The following IPO7 variants were observed in gnomAD, a reference collection of about 807,000 sequenced individuals.
IPO7 encodes the protein importin 7.
IPO7 carries 13 observed loss-of-function variants against 136.4 expected under a neutral mutation model. That is an observed-to-expected ratio of 0.10 (90% CI 0.06 to 0.15). The LOEUF (loss-of-function observed/expected upper bound fraction) is 0.15. IPO7 is among the 10% of genes least tolerant of loss of function. The pLI, the probability that IPO7 is intolerant of heterozygous loss-of-function variation, is 1.00. For missense variants in IPO7, 857 were observed against 1,240.6 expected, an observed-to-expected ratio of 0.69 and a Z score of 4.65; for synonymous variants, 403 against 404.4, an observed-to-expected ratio of 1.00 and a Z score of 0.04.
rs565216845 is a variant in IPO7 at position 9,387,284 on chromosome 11, A to G, written c.84+2437A>G. Among the ~76,000 whole-genome samples the G allele has an allele frequency of 5.9e-5, 9 of 152,330 alleles. No homozygotes were observed. In the South Asian group the frequency reaches 1.9e-3, roughly 32 times the overall value. On this transcript the variant is annotated intron_variant, in intron 1 of 24. Coordinates refer to ENST00000379719, the MANE Select transcript of IPO7 (RefSeq NM_006391.3). ...TCACTGACTCAATGTAAAATTTGTA[A>G]ATGTTATTAAAGTGTTTATAGTATA...
rs1300804668 is a variant in IPO7, at chr11:9,436,256, TTC to T, written c.2173-13_2173-12del. The T allele has an allele frequency of 2.5e-6, 4 of 1,584,112 alleles. No homozygotes were observed. In the African/African-American group the frequency reaches 4.0e-5, roughly 16 times the overall value. ...GGATAAAGCCTTACTGCAATTTATA[TTC>T]TGTTTTGATCAGGTTCTTACAGGAG... On this transcript the variant is annotated splice_polypyrimidine_tract_variant and intron_variant, in intron 19 of 24. Transcript: ENST00000379719.
intron 1 of IPO7, among the ~76,000 whole-genome samples, chr11:9,391,430 G>A (rs894205399): frequency 4.7e-5 from 7 of 149,858 alleles, no homozygotes; most frequent in African/African-American, 1.7e-4. Context: ...AGTTCTGGCC[G>A]GGCATGGTGG....
At chr11:9,405,466 C>A (rs984194423) in intron 2 of IPO7, among the ~76,000 whole-genome samples, 4 of 151,466 alleles carry the variant, frequency 2.6e-5, no homozygotes, top group African/African-American at 7.3e-5. Context: ...TGAGCCACCG[C>A]CCCCGGCCCT....
chr11:9,435,928 A>G (rs1224729544), intron 19 of IPO7, among the ~76,000 whole-genome samples: 1 of 152,110 alleles, frequency 6.6e-6, no homozygotes, highest in Non-Finnish European at 1.5e-5. Context: ...TCTTTACGTG[A>G]GAAAGGTTAG....
At chr11:9,399,937 C>G (rs1291397465) in intron 1 of IPO7, among the ~76,000 whole-genome samples, 1 of 152,130 alleles carries the variant, frequency 6.6e-6, no homozygotes, top group African/African-American at 2.4e-5. Context: ...AATACTGTTA[C>G]TTCTTCCATT....
chr11:9,428,809 A>C, intron 13 of IPO7, 180 bp downstream of exon 13: 1 of 782,436 alleles, frequency 1.3e-6, no homozygotes, highest in East Asian at 2.4e-5. Flanking sequence ...TGTGTCTGGT[A>C]GCAGTGTCTG....
chr11:9,399,248 C>G (rs988732766), intron 1 of IPO7, among the ~76,000 whole-genome samples: 1 of 151,494 alleles, frequency 6.6e-6, no homozygotes, highest in Non-Finnish European at 1.5e-5. Flanking sequence ...ACCACAACCT[C>G]TGTCTCCGGG....
intron 1 of IPO7, chr11:9,392,171 CTTTTT>C (rs59866244): frequency 8.3e-4 from 153 of 184,526 alleles, no homozygotes; most frequent in Middle Eastern, 2.3e-3. Context: ...TTGTCAAATT[CTTTTT>C]TTTTTTTTTT....
At chr11:9,418,529 T>A (rs1184695701) in intron 6 of IPO7, among the ~76,000 whole-genome samples, 1 of 152,228 alleles carries the variant, frequency 6.6e-6, no homozygotes, top group Non-Finnish European at 1.5e-5. Flanking sequence ...ATTTTGTAGT[T>A]TAATTTTTTT....
intron 1 of IPO7, among the ~76,000 whole-genome samples, chr11:9,400,854 A>T (rs1854784031): frequency 1.3e-5 from 2 of 151,868 alleles, no homozygotes; most frequent in Admixed American, 1.3e-4. Context: ...CTCTATAAGA[A>T]TGTGTTTGCA....
intron 20 of IPO7, among the ~76,000 whole-genome samples, chr11:9,436,870 T>TATATATATA (rs1855383009): frequency 3.9e-4 from 5 of 12,948 alleles, no homozygotes; most frequent in African/African-American, 5.9e-4. Context: ...ATATATATAT[T>TATATATATA]TTTTTTTTTT....
rs1170483312 is a variant in IPO7, at chr11:9,424,984, G to A, written c.1212G>A (p.Arg404=). The part of the protein sequence containing the change: ...QTLLFTACSK[R]KEVLQKTMGF... The stretch of plus-strand genomic sequence containing the variant: ...TTTTGTTTACAGCCTGTAGTAAGAG[G>A]AAAGAGGTAGGCTTATTTAATGTTT... The change falls in exon 11 of 25, where the codon AGG becomes AGA. Residue 404 remains arginine, a synonymous_variant. Transcript: ENST00000379719. 1.3e-6 allele frequency: 2 copies of A among 1,567,310 alleles called. No homozygotes were observed. The highest frequency in any genetic ancestry group is 2.2e-5 in the East Asian group (1 of 44,664).
chr11:9,385,688 G>T (rs2133712594), intron 1 of IPO7, among the ~76,000 whole-genome samples: 1 of 152,136 alleles, frequency 6.6e-6, no homozygotes, highest in South Asian at 2.1e-4. Context: ...GGAACATGCT[G>T]AGCTCCTTAT....
chr11:9,447,584 A>G lies in IPO7; in HGVS notation c.*2390A>G, dbSNP rs927713317. 6.6e-6 allele frequency: 1 copy of G among 152,142 alleles called. No homozygotes were observed. The highest frequency in any genetic ancestry group is 2.4e-5 in the African/African-American group (1 of 41,458). The allele number at this position is 152,142 out of a possible 1,614,324, so 9.4% of individuals were successfully genotyped here. A position where few individuals can be genotyped will look rare whatever the true frequency, so the allele number is the denominator to read the frequency against. ...ACAATATTCTCTTGTAATTAGCTAC[A>G]TAGGGACTTGTCTTTTTTTCTTTTT... is the stretch of plus-strand genomic sequence containing the variant. On this transcript the variant is annotated 3_prime_UTR_variant, in exon 25 of 25. Coordinates refer to ENST00000379719, the MANE Select transcript of IPO7 (RefSeq NM_006391.3).
chr11:9,415,777 G>T (rs1365844278), intron 5 of IPO7, among the ~76,000 whole-genome samples: 11 of 151,990 alleles, frequency 7.2e-5, no homozygotes, highest in African/African-American at 1.2e-4. Flanking sequence ...GGCAGAGGTT[G>T]CAGTGAGCCG....
intron 1 of IPO7, among the ~76,000 whole-genome samples, chr11:9,399,403 C>T (rs1299902251): frequency 6.6e-6 from 1 of 152,132 alleles, no homozygotes; most frequent in Non-Finnish European, 1.5e-5. Context: ...TCAGGTGATC[C>T]ACCCGCCTCG....
At chr11:9,421,530 AG>A (rs1175547576) in intron 8 of IPO7, among the ~76,000 whole-genome samples, 1 of 151,346 alleles carries the variant, frequency 6.6e-6, no homozygotes, top group African/African-American at 2.4e-5. Flanking sequence ...GGGGAGGCTG[AG>A]GCAGGAGAAT....
intron 21 of IPO7, 29 bp from the exon 22 acceptor site, chr11:9,438,051 T>TG (rs1439522851): frequency 6.6e-5 from 28 of 424,332 alleles, no homozygotes; most frequent in African/African-American, 2.5e-4. Flanking sequence ...AACAGTTTTT[T>TG]TTTTTTTTTT....
chr11:9,398,310 G>C (rs1252227552), intron 1 of IPO7, among the ~76,000 whole-genome samples: 1 of 152,158 alleles, frequency 6.6e-6, no homozygotes, highest in Non-Finnish European at 1.5e-5. Context: ...ATTAATAGGA[G>C]AAACAGGCAT....
Sources: allele counts gnomAD v4.1 joint callset (sites outside exome capture counted in the v4.1 genomes callset), GRCh38; gene constraint gnomAD v4.1.1; transcripts MANE v1.5; gene names NCBI Gene and HGNC (gene_info 2026-07-23, HGNC 2026-07-21).